The following CSNK2A1 variants were observed in gnomAD, a reference collection of about 807,000 sequenced individuals.
CSNK2A1 encodes the protein casein kinase 2 alpha 1.
A neutral mutation model predicts 62.9 loss-of-function variants in CSNK2A1; 10 were observed. The ratio of observed to expected loss-of-function variants is 0.16; its 90% CI spans 0.10 to 0.27. The LOEUF (loss-of-function observed/expected upper bound fraction) is 0.27. Among genes scored for constraint, CSNK2A1 ranks in the 10% least tolerant of loss-of-function variants. CSNK2A1 has a pLI of 1.00. For synonymous variants in CSNK2A1, 124 were observed against 167.8 expected (o/e 0.74, Z 2.02); for missense variants, 160 against 492.0 (o/e 0.33, Z 6.38).
intron 4 of CSNK2A1, chr20:503,791 A>G (rs1197440028): frequency 7.5e-6 from 3 of 397,940 alleles, no homozygotes; most frequent in Non-Finnish European, 1.3e-5. Flanking sequence ...ATAACCCAAC[A>G]GTAACAAATT....
chr20:507,501 C>A (rs959488623), intron 3 of CSNK2A1: 1 of 152,156 alleles, frequency 6.6e-6, no homozygotes, highest in Non-Finnish European at 1.5e-5. Context: ...CACATTGGGA[C>A]AGGAAATGCA....
chr20:527,417 C>T (rs1049772181), intron 2 of CSNK2A1, among the ~76,000 whole-genome samples: 2 of 152,208 alleles, frequency 1.3e-5, no homozygotes, highest in Admixed American at 1.3e-4. Flanking sequence ...TTTAAACTGA[C>T]TGAACTTGCT....
chr20:479,199 T>C lies in CSNK2A1; in HGVS notation c.*4762A>G, dbSNP rs1328801860. On this transcript the variant is annotated 3_prime_UTR_variant, in exon 14 of 14. Coordinates refer to ENST00000217244, the MANE Select transcript of CSNK2A1 (RefSeq NM_177559.3). ...CAAATGCAAACATCTATGGCCTCCC[T>C]ATAATGTAGCATCCTTTTACTGTAC... 1 of 152,324 alleles carries C rather than the reference T, an allele frequency of 6.6e-6. No homozygotes were observed. The allele number at this position is 152,324 out of a possible 1,614,324, so 9.4% of individuals were successfully genotyped here. A position where few individuals can be genotyped will look rare whatever the true frequency, so the allele number is the denominator to read the frequency against.
At chr20:484,227 C>T (rs2018018476) in intron 13 of CSNK2A1, 151 bp from the exon 14 acceptor site, 7 of 581,112 alleles carry the variant, frequency 1.2e-5, no homozygotes, top group East Asian at 1.0e-4. Context: ...GTCTGACCCT[C>T]ACAAATTCAA....
chr20:485,674 T>A (rs1011511747), intron 13 of CSNK2A1, among the ~76,000 whole-genome samples: 1 of 152,210 alleles, frequency 6.6e-6, no homozygotes, highest in South Asian at 2.1e-4. Context: ...AGTTTGGATA[T>A]ACATTACTCT....
At chr20:521,228 A>C (rs536210710) in intron 2 of CSNK2A1, among the ~76,000 whole-genome samples, 78 of 152,332 alleles carry the variant, frequency 5.1e-4, no homozygotes, top group African/African-American at 1.7e-3. Context: ...TCAATAAGAA[A>C]ACAGCTCAAT....
chr20:515,636 C>T (rs1398884168), intron 2 of CSNK2A1, among the ~76,000 whole-genome samples: 1 of 152,186 alleles, frequency 6.6e-6, no homozygotes, highest in Admixed American at 6.5e-5. Context: ...CACACACACA[C>T]ACCAGTCTTC....
intron 2 of CSNK2A1, among the ~76,000 whole-genome samples, chr20:526,457 T>G (rs1239703248): frequency 6.6e-6 from 1 of 151,452 alleles, no homozygotes; most frequent in Non-Finnish European, 1.5e-5. Flanking sequence ...AAAAATTGTT[T>G]TTAATAATAA....
chr20:530,812 T>C (rs966807092), intron 1 of CSNK2A1, among the ~76,000 whole-genome samples: 3 of 152,134 alleles, frequency 2.0e-5, no homozygotes, highest in Non-Finnish European at 4.4e-5. Flanking sequence ...GGGCCAGGCA[T>C]AGTGGCTCAC....
Position 478,591 on chromosome 20 carries a change from T to C in CSNK2A1, c.*5370A>G, listed in dbSNP as rs1482385040. 1.8e-5 allele frequency: 7 copies of C among 391,928 alleles called. No individual in the cohort carries two copies. The highest frequency in any genetic ancestry group is 4.4e-5 in the African/African-American group (2 of 45,820). The allele number at this position is 391,928 out of a possible 1,614,324, so 24.3% of individuals were successfully genotyped here. On this transcript the variant is annotated 3_prime_UTR_variant, in exon 14 of 14. Coordinates refer to ENST00000217244, the MANE Select transcript of CSNK2A1 (RefSeq NM_177559.3). ...GGACTGACCATCCTGTAAGCTTCCA[T>C]CTGGAGGTACCTGGGGAAGGGCTTC...
chr20:522,449 A>G lies in CSNK2A1; in HGVS notation c.-110+5484T>C, dbSNP rs2018971511. 1.3e-5 allele frequency among the ~76,000 whole-genome samples: 2 copies of G among 152,198 alleles called. 1 individual carries two copies. The highest frequency in any genetic ancestry group is 4.1e-4 in the South Asian group (2 of 4,832). ...ACAATTTAATCTTGAGAAAACATCA[A>G]ACCTGTATTGAAGGACATTCTATAA... On this transcript the variant is annotated intron_variant, in intron 2 of 13. Transcript: ENST00000217244.
chr20:505,367 T>TTG lies in CSNK2A1; in HGVS notation c.102-139_102-138insCA, dbSNP rs1469907125. On this transcript the variant is annotated intron_variant, in intron 3 of 13. Coordinates refer to ENST00000217244, the MANE Select transcript of CSNK2A1 (RefSeq NM_177559.3). ...CCCAAATAGGTTTTTTTTTTTTTTT[T>TTG]TTTTTTTTTGGAGATGGAGTCTCAC... 3.0e-5 allele frequency: 22 copies of TTG among 721,326 alleles called. No homozygotes were observed. The African/African-American group carries it at 4.3e-4, about 14-fold the overall frequency. The allele number at this position is 721,326 out of a possible 1,614,324, so 44.7% of individuals were successfully genotyped here. A position where few individuals can be genotyped will look rare whatever the true frequency, so the allele number is the denominator to read the frequency against.
At chr20:505,051 A>G in intron 4 of CSNK2A1, 67 bp downstream of exon 4, 2 of 1,391,624 alleles carry the variant, frequency 1.4e-6, no homozygotes, top group Non-Finnish European at 1.9e-6. Flanking sequence ...CTGTTTTAAA[A>G]AAGTCTTCAA....
chr20:534,498 C>T (rs1294939958), intron 1 of CSNK2A1, among the ~76,000 whole-genome samples: 1 of 152,154 alleles, frequency 6.6e-6, no homozygotes, highest in South Asian at 2.1e-4. Flanking sequence ...AGGAAGACAA[C>T]TGAGACATGC....
At position 474,699 on chromosome 20, in the gene CSNK2A1, T is replaced by C. The variant is rs1429201105; in HGVS notation, c.*9262A>G. 2.0e-5 allele frequency: 3 copies of C among 152,224 alleles called. No homozygotes were observed. The highest frequency in any genetic ancestry group is 4.4e-5 in the Non-Finnish European group (3 of 68,040). The allele number at this position is 152,224 out of a possible 1,614,324, so 9.4% of individuals were successfully genotyped here. A position where few individuals can be genotyped will look rare whatever the true frequency, so the allele number is the denominator to read the frequency against. ...GATGAGAGTTTAGAGCTTAGACCGC[T>C]TGTCCTGTTACCAACACCACCACAC... On this transcript the variant is annotated 3_prime_UTR_variant, in exon 14 of 14. Transcript: ENST00000217244.
intron 3 of CSNK2A1, chr20:507,391 T>C (rs1328512747): frequency 6.6e-6 from 1 of 152,248 alleles, no homozygotes; most frequent in African/African-American, 2.4e-5. Flanking sequence ...AAATACAGCA[T>C]ACAGGAGCTG....
rs151249242 is a variant in CSNK2A1, at chr20:479,776, G to A, written c.*4185C>T. On this transcript the variant is annotated 3_prime_UTR_variant, in exon 14 of 14. Coordinates refer to ENST00000217244, the MANE Select transcript of CSNK2A1 (RefSeq NM_177559.3). ...TTACTTGGAGAATAGTCTGAATTTC[G>A]TATTACACGTTGAGCATTTCTAATT... is the stretch of plus-strand genomic sequence containing the variant. 5.9e-5 allele frequency: 9 copies of A among 152,246 alleles called. No individual in the cohort carries two copies. Among genetic ancestry groups the A allele is most frequent in the Admixed American group, 1.3e-4 (2 of 15,294 alleles). The allele number at this position is 152,246 out of a possible 1,614,324, so 9.4% of individuals were successfully genotyped here. A position where few individuals can be genotyped will look rare whatever the true frequency, so the allele number is the denominator to read the frequency against.
At position 473,577 on chromosome 20, in the gene CSNK2A1, C is replaced by A. The variant is rs1478936288; in HGVS notation, c.*10384G>T. Reference sequence around the variant, plus strand: ...AGGGTCTGGGTGGAGCACTGTGATCCTTTCACAGTAGCTGCCATTGTCTTC... The same window carrying A: ...AGGGTCTGGGTGGAGCACTGTGATCATTTCACAGTAGCTGCCATTGTCTTC... On this transcript the variant is annotated 3_prime_UTR_variant, in exon 14 of 14. Coordinates refer to ENST00000217244, the MANE Select transcript of CSNK2A1 (RefSeq NM_177559.3). The A allele has an allele frequency of 6.6e-6, 1 of 152,164 alleles. No individual in the cohort carries two copies. Among genetic ancestry groups the A allele is most frequent in the Non-Finnish European group, 1.5e-5 (1 of 68,050 alleles). 9.4% of individuals were successfully genotyped at this position (152,164 alleles called of 1,614,324 possible).
chr20:495,944 C>T (rs571696334), intron 7 of CSNK2A1, 142 bp from the exon 8 acceptor site: 191 of 637,174 alleles, frequency 3.0e-4, no homozygotes, highest in African/African-American at 2.4e-3. Flanking sequence ...CACAGCAATG[C>T]TTCAGAGACT....
Sources: gnomAD v4.1 joint callset for allele counts (sites outside exome capture counted in the v4.1 genomes callset) on GRCh38, gnomAD v4.1.1 for gene constraint, MANE v1.5 for transcripts, NCBI Gene and HGNC (gene_info 2026-07-23, HGNC 2026-07-21) for gene names.